The following COL27A1 variants were observed in gnomAD, a reference collection of about 807,000 sequenced individuals.
COL27A1 encodes the protein collagen type XXVII alpha 1 chain, also known as collagen alpha-1(XXVII) chain.
In COL27A1, 106 loss-of-function variants were observed where a neutral mutation model predicts 251.3. The observed-to-expected ratio is 0.42, with a 90% CI of 0.36 to 0.50. COL27A1 has a LOEUF of 0.50. Ranked by LOEUF, COL27A1 falls within the 20% of genes least tolerant of loss-of-function variation. The pLI, the probability that COL27A1 is intolerant of heterozygous loss-of-function variation, is 0.00. For missense variants in COL27A1, 2,325 were observed against 2,522.8 expected (o/e 0.92, Z 1.68); for synonymous variants, 1,000 against 986.3 (o/e 1.01, Z -0.26).
intron 49 of COL27A1, among the ~76,000 whole-genome samples, chr9:114,292,528 C>G (rs1827996421): frequency 6.6e-6 from 1 of 152,168 alleles, no homozygotes; most frequent in Non-Finnish European, 1.5e-5. Flanking sequence ...GCCTTCATCC[C>G]CCTGTCCCAG....
chr9:114,242,010 G>A (rs960921686), intron 21 of COL27A1, among the ~76,000 whole-genome samples, 177 bp from the exon 22 acceptor site: 2 of 152,242 alleles, frequency 1.3e-5, no homozygotes, highest in African/African-American at 2.4e-5. Flanking sequence ...TCTAGGCCAT[G>A]GCCAGTGGAG....
At chr9:114,308,707 G>A (rs1829237387) in intron 59 of COL27A1, among the ~76,000 whole-genome samples, 2 of 152,208 alleles carry the variant, frequency 1.3e-5, no homozygotes, top group Admixed American at 6.5e-5. Context: ...TGGCATGAAT[G>A]CCCAACTGGG....
At chr9:114,244,467 G>A (rs2135493903) in intron 23 of COL27A1, among the ~76,000 whole-genome samples, 1 of 152,326 alleles carries the variant, frequency 6.6e-6, no homozygotes, top group East Asian at 1.9e-4. Context: ...TCACTTAATA[G>A]TTTCCCAAGG....
chr9:114,190,525 C>G (rs149056322), intron 5 of COL27A1, among the ~76,000 whole-genome samples: 80 of 152,300 alleles, frequency 5.3e-4, no homozygotes, highest in African/African-American at 1.8e-3. Flanking sequence ...TCCTTGGCCT[C>G]TTAAAGTGTT....
intron 1 of COL27A1, among the ~76,000 whole-genome samples, chr9:114,159,569 T>C (rs2808785): frequency 0.19 from 28,250 of 152,096 alleles, 2,745 homozygotes; most frequent in Middle Eastern, 0.24. Flanking sequence ...GAGGCATTCA[T>C]GGAAAAAATG....
chr9:114,205,771 C>T lies in COL27A1; in HGVS notation c.2182C>T (p.Pro728Ser), dbSNP rs1488586440. The T allele has an allele frequency of 1.2e-6, 2 of 1,613,960 alleles. No homozygotes were observed. Among genetic ancestry groups the T allele is most frequent in the African/African-American group, 2.7e-5 (2 of 74,914 alleles). Residue 728 changes from proline to serine, a missense_variant, in exon 9 of 61, where the codon CCT (proline) becomes TCT (serine). Pro to Ser is a moderately conservative substitution (Grantham distance 74, BLOSUM62 -1). Coordinates refer to ENST00000356083, the MANE Select transcript of COL27A1 (RefSeq NM_032888.4). ...GHPGEQGQPG[P>S]EGSPGAKGYP... ...TGTTCCTTTGCAGGGGCAGCCAGGA[C>T]CTGAGGGCAGCCCAGGGGCCAAAGG... is the stretch of plus-strand genomic sequence containing the variant.
intron 57 of COL27A1, 109 bp from the exon 58 acceptor site, chr9:114,306,411 G>A (rs952615147): frequency 1.1e-5 from 12 of 1,121,918 alleles, no homozygotes; most frequent in Admixed American, 4.7e-5. Flanking sequence ...AGCCATGACC[G>A]TGGAACCGAG....
intron 5 of COL27A1, among the ~76,000 whole-genome samples, chr9:114,186,455 T>C (rs1384047285): frequency 6.6e-6 from 1 of 152,138 alleles, no homozygotes; most frequent in East Asian, 1.9e-4. Flanking sequence ...AAGCCAACCA[T>C]ATTGACAAAT....
At chr9:114,204,127 G>A (rs1437100206) in intron 7 of COL27A1, among the ~76,000 whole-genome samples, 1 of 152,216 alleles carries the variant, frequency 6.6e-6, no homozygotes, top group African/African-American at 2.4e-5. Flanking sequence ...TCAAATTCTA[G>A]GGTTCTAAAA....
intron 5 of COL27A1, among the ~76,000 whole-genome samples, chr9:114,187,467 C>G (rs1229031435): frequency 1.3e-5 from 2 of 152,252 alleles, no homozygotes; most frequent in Admixed American, 6.5e-5. Flanking sequence ...ATTATTACCC[C>G]CATTTTACAG....
intron 23 of COL27A1, among the ~76,000 whole-genome samples, chr9:114,244,112 G>C (rs1279910138): frequency 1.3e-5 from 2 of 151,934 alleles, no homozygotes; most frequent in Non-Finnish European, 2.9e-5. Flanking sequence ...ATTTTTAGTA[G>C]AGATGGAGTT....
intron 14 of COL27A1, among the ~76,000 whole-genome samples, chr9:114,223,806 T>C (rs1831281107): frequency 6.6e-6 from 1 of 152,170 alleles, no homozygotes; most frequent in Non-Finnish European, 1.5e-5. Context: ...ACTTGGAGGA[T>C]TGTTGTGAGT....
chr9:114,160,304 G>A (rs982604822), intron 1 of COL27A1, among the ~76,000 whole-genome samples: 4 of 151,946 alleles, frequency 2.6e-5, no homozygotes, highest in Non-Finnish European at 5.9e-5. Flanking sequence ...ACAGGCGCCC[G>A]CCACCACGCC....
At chr9:114,214,698 C>T (rs576864333) in intron 12 of COL27A1, among the ~76,000 whole-genome samples, 16 of 152,362 alleles carry the variant, frequency 1.1e-4, no homozygotes, top group Non-Finnish European at 1.9e-4. Flanking sequence ...CTCCACATGG[C>T]TCCCTCTTCT....
chr9:114,283,691 G>T lies in COL27A1; in HGVS notation c.3880-18G>T, dbSNP rs1420681775. On this transcript the variant is annotated intron_variant, in intron 39 of 60. Transcript: ENST00000356083. ...GAGAGCCACACTCCATACCAACGAG[G>T]GTCTCCTCCTCTTGTAGGGTGCTCC... is the stretch of plus-strand genomic sequence containing the variant. 2 of 1,613,448 alleles carry T rather than the reference G, an allele frequency of 1.2e-6. No homozygotes were observed. The highest frequency in any genetic ancestry group is 2.2e-5 in the East Asian group (1 of 44,874).
intron 21 of COL27A1, 55 bp downstream of exon 21, chr9:114,240,542 C>A: frequency 2.0e-6 from 3 of 1,522,042 alleles, no homozygotes; most frequent in Admixed American, 1.7e-5. Flanking sequence ...CAGCCCCCAG[C>A]CTGCCCTGTC....
At chr9:114,227,291 T>G (rs1408766464) in intron 14 of COL27A1, among the ~76,000 whole-genome samples, 1 of 146,528 alleles carries the variant, frequency 6.8e-6, no homozygotes, top group African/African-American at 2.5e-5. Context: ...GACATAGCAA[T>G]AGGAAAGGCA....
chr9:114,305,825 G>A (rs1828999903), intron 57 of COL27A1, among the ~76,000 whole-genome samples: 1 of 152,178 alleles, frequency 6.6e-6, no homozygotes. Context: ...TGGGTGAGCG[G>A]CTGCTGGTCT....
intron 24 of COL27A1, among the ~76,000 whole-genome samples, chr9:114,249,489 G>C (rs979033701): frequency 2.6e-5 from 4 of 152,354 alleles, no homozygotes; most frequent in East Asian, 1.9e-4. Context: ...GGCTGGAGGG[G>C]AAGGTGCGTG....
Sources: gnomAD v4.1 joint callset for allele counts (sites outside exome capture counted in the v4.1 genomes callset) on GRCh38, gnomAD v4.1.1 for gene constraint, MANE v1.5 for transcripts, NCBI Gene and HGNC (gene_info 2026-07-23, HGNC 2026-07-21) for gene names.